MED27: variants seen among roughly 807,000 people sequenced by gnomAD.
The protein encoded by MED27 is mediator of RNA polymerase II transcription subunit 27.
In MED27, 30 loss-of-function variants were observed where a neutral mutation model predicts 38.2. The observed-to-expected ratio is 0.79, with a 90% CI of 0.59 to 1.07. The LOEUF is 1.07. MED27 is among the 50% of genes least tolerant of loss of function. The pLI, the probability that MED27 is intolerant of heterozygous loss-of-function variation, is 0.00. For synonymous variants in MED27, 122 were observed against 153.5 expected, an observed-to-expected ratio of 0.79 and a Z score of 1.52; for missense variants, 289 against 397.5, an observed-to-expected ratio of 0.73 and a Z score of 2.32.
At chr9:131,971,943 A>G (rs1305440300) in intron 3 of MED27, among the ~76,000 whole-genome samples, 6 of 152,158 alleles carry the variant, frequency 3.9e-5, no homozygotes, top group Non-Finnish European at 4.4e-5. Flanking sequence ...ACTCTTCCAT[A>G]TAGATATTAC....
At chr9:131,972,325 G>A (rs1375815078) in intron 3 of MED27, among the ~76,000 whole-genome samples, 2 of 152,140 alleles carry the variant, frequency 1.3e-5, no homozygotes, top group African/African-American at 4.8e-5. Context: ...GCTTGAGCAG[G>A]CAGGTTTTGC....
intron 3 of MED27, among the ~76,000 whole-genome samples, chr9:132,007,351 G>A (rs1236619147): frequency 1.3e-5 from 2 of 151,992 alleles, no homozygotes; most frequent in East Asian, 1.9e-4. Flanking sequence ...AAAGAACATC[G>A]AAAAAATACT....
At chr9:132,041,009 C>T (rs1028979952) in intron 2 of MED27, among the ~76,000 whole-genome samples, 1 of 152,170 alleles carries the variant, frequency 6.6e-6, no homozygotes, top group African/African-American at 2.4e-5. Context: ...GGAAGCAGTG[C>T]AACACAGCAG....
rs1838639123 is a variant in MED27 at position 131,860,734 on chromosome 9, T to C, written c.802-62A>G. 5.1e-6 allele frequency: 8 copies of C among 1,580,832 alleles called. No homozygotes were observed. The highest frequency in any genetic ancestry group is 6.9e-6 in the Non-Finnish European group (8 of 1,160,274). On this transcript the variant is annotated intron_variant, in intron 7 of 7. Transcript: ENST00000292035. This position sits in a 1 kb window ranked among gnomAD's most constrained non-coding sequence, Gnocchi z 5.8. The stretch of plus-strand genomic sequence containing the variant: ...GATACGGGTGCTCCCAAAGTCCTCC[T>C]TCCTATCAAGCCTAATGGCCCAGAC...
At chr9:131,963,477 T>C (rs917670635) in intron 3 of MED27, among the ~76,000 whole-genome samples, 2 of 151,974 alleles carry the variant, frequency 1.3e-5, no homozygotes, top group Non-Finnish European at 2.9e-5. Context: ...ACCTATATCA[T>C]GGCAAAAGTA....
chr9:131,868,786 C>G (rs34722774), intron 6 of MED27: 233,719 of 985,386 alleles, frequency 0.24, 28,390 homozygotes, highest in Middle Eastern at 0.27. Context: ...TGCCCGCCAT[C>G]TCCCAGGGCA....
chr9:131,982,629 G>A lies in MED27; in HGVS notation c.479+31708C>T, dbSNP rs889897638. Among the ~76,000 whole-genome samples the A allele has an allele frequency of 2.0e-5, 3 of 152,186 alleles. No individual in the cohort carries two copies. The highest frequency in any genetic ancestry group is 4.4e-5 in the Non-Finnish European group (3 of 68,036). ...GGGAAAACAGCACACAAGTAACTTG[G>A]TCCACAGCTACTGATGGGGAGGTGG... On this transcript the variant is annotated intron_variant, in intron 3 of 7. Coordinates refer to ENST00000292035, the MANE Select transcript of MED27 (RefSeq NM_004269.4). This position sits in a 1 kb window ranked among gnomAD's most constrained non-coding sequence, Gnocchi z 4.3.
At chr9:132,025,606 C>T (rs1016671708) in intron 2 of MED27, among the ~76,000 whole-genome samples, 6 of 152,368 alleles carry the variant, frequency 3.9e-5, no homozygotes, top group South Asian at 4.1e-4. Context: ...CTCTCCTTAA[C>T]CAACTCTATG....
At chr9:131,968,792 A>G (rs1422174133) in intron 3 of MED27, among the ~76,000 whole-genome samples, 1 of 152,182 alleles carries the variant, frequency 6.6e-6, no homozygotes, top group Non-Finnish European at 1.5e-5. Context: ...GCAGGAGGTG[A>G]GTGGTGGGCG....
intron 3 of MED27, among the ~76,000 whole-genome samples, chr9:131,940,402 T>C (rs913841272): frequency 6.6e-6 from 1 of 152,078 alleles, no homozygotes; most frequent in Non-Finnish European, 1.5e-5. Flanking sequence ...TTTCTTACAT[T>C]TCTATTTTTT....
intron 4 of MED27, among the ~76,000 whole-genome samples, chr9:131,907,151 T>C (rs971187873): frequency 6.6e-5 from 10 of 152,166 alleles, no homozygotes; most frequent in Non-Finnish European, 1.3e-4. Context: ...GACCTGTACT[T>C]GTGCTGACCT....
chr9:131,956,614 CAAA>C (rs754763103), intron 3 of MED27, among the ~76,000 whole-genome samples: 9 of 64,588 alleles, frequency 1.4e-4, no homozygotes, highest in Non-Finnish European at 9.8e-5. Context: ...GACTCCGCCT[CAAA>C]AAAAAAAAAA....
At chr9:131,907,933 G>GT in intron 4 of MED27, among the ~76,000 whole-genome samples, 1 of 148,164 alleles carries the variant, frequency 6.7e-6, no homozygotes, top group South Asian at 2.2e-4. Context: ...GGTGAGGAGC[G>GT]TCTCTGCCCG....
intron 3 of MED27, among the ~76,000 whole-genome samples, chr9:131,992,964 C>T (rs921947734): frequency 6.6e-6 from 1 of 152,134 alleles, no homozygotes; most frequent in Non-Finnish European, 1.5e-5. Context: ...AATGAGAAGA[C>T]TAATGGTGAG....
chr9:132,034,516 T>A (rs1369954839), intron 2 of MED27, among the ~76,000 whole-genome samples: 2 of 152,210 alleles, frequency 1.3e-5, no homozygotes, highest in Non-Finnish European at 2.9e-5. Flanking sequence ...TCTGGAAAGA[T>A]GTCTGCAGAA....
At position 131,934,481 on chromosome 9, in the gene MED27, G is replaced by A. The variant is rs376896014; in HGVS notation, c.573+4900C>T. On this transcript the variant is annotated intron_variant, in intron 4 of 7. Coordinates refer to ENST00000292035, the MANE Select transcript of MED27 (RefSeq NM_004269.4). ...CAATTAAAAAATAGGCAAAAGATCC[G>A]AATAGATATTTCTCAAAAGAAGATA... Among the ~76,000 whole-genome samples the A allele has an allele frequency of 1.4e-4, 22 of 152,114 alleles. No individual in the cohort carries two copies. The South Asian group carries it at 2.5e-3, about 17-fold the overall frequency.
chr9:132,036,713 C>T (rs972185899), intron 2 of MED27, among the ~76,000 whole-genome samples: 3 of 152,168 alleles, frequency 2.0e-5, no homozygotes, highest in African/African-American at 7.2e-5. Flanking sequence ...TGTGAAAACA[C>T]ATTTATTACA....
intron 2 of MED27, chr9:132,073,315 C>T: frequency 1.0e-6 from 1 of 986,780 alleles, no homozygotes; most frequent in Non-Finnish European, 1.2e-6. Context: ...AGCAAGCAAA[C>T]CACGAAAGGG....
intron 4 of MED27, among the ~76,000 whole-genome samples, chr9:131,899,443 C>T (rs983834114): frequency 3.9e-5 from 6 of 152,314 alleles, no homozygotes; most frequent in Middle Eastern, 3.4e-3. Context: ...TCAATTGCTC[C>T]TACTCTCCAG....
Sources: allele counts gnomAD v4.1 joint callset (sites outside exome capture counted in the v4.1 genomes callset), GRCh38; gene constraint gnomAD v4.1.1; non-coding constraint Gnocchi (gnomAD v3.1); transcripts MANE v1.5; gene names NCBI Gene and HGNC (gene_info 2026-07-23, HGNC 2026-07-21).